The following DTNA variants were observed in gnomAD, a reference collection of about 807,000 sequenced individuals.
The protein encoded by DTNA is dystrobrevin alpha.
DTNA carries 43 observed loss-of-function variants against 100.7 expected under a neutral mutation model. The ratio of observed to expected loss-of-function variants is 0.43; its 90% CI spans 0.33 to 0.55. DTNA has a LOEUF of 0.55. Among genes scored for constraint, DTNA ranks in the 20% least tolerant of loss-of-function variants. The pLI is 0.04. For synonymous variants in DTNA, 349 were observed against 347.9 expected (o/e 1.00, Z -0.04); for missense variants, 798 against 953.9 (o/e 0.84, Z 2.15).
intron 1 of DTNA, among the ~76,000 whole-genome samples, chr18:34,744,118 T>C (rs1022036014): frequency 2.6e-5 from 4 of 152,162 alleles, no homozygotes; most frequent in Non-Finnish European, 4.4e-5. Flanking sequence ...CTAATTCTGA[T>C]TTTCCCAAGG....
At chr18:34,837,605 C>G (rs1469149692) in intron 11 of DTNA, among the ~76,000 whole-genome samples, 2 of 152,120 alleles carry the variant, frequency 1.3e-5, no homozygotes, top group Non-Finnish European at 2.9e-5. Context: ...GCTCCACAGC[C>G]AAGATCATGT....
intron 1 of DTNA, among the ~76,000 whole-genome samples, chr18:34,702,458 G>T (rs1475758154): frequency 6.6e-6 from 1 of 152,174 alleles, no homozygotes; most frequent in Non-Finnish European, 1.5e-5. Flanking sequence ...TAAGACAACT[G>T]CTAGATTGGC....
intron 1 of DTNA, among the ~76,000 whole-genome samples, chr18:34,736,106 A>C (rs1424766545): frequency 6.6e-6 from 1 of 152,200 alleles, no homozygotes; most frequent in Non-Finnish European, 1.5e-5. Flanking sequence ...AATGCCCTCC[A>C]CGTGAAGAGC....
intron 1 of DTNA, among the ~76,000 whole-genome samples, chr18:34,512,320 A>G (rs541393106): frequency 6.6e-6 from 1 of 152,150 alleles, no homozygotes; most frequent in Admixed American, 6.6e-5. Context: ...GGGGTTATTT[A>G]TAAATGTACA....
chr18:34,698,781 G>A (rs901957558), intron 1 of DTNA, among the ~76,000 whole-genome samples: 5 of 152,030 alleles, frequency 3.3e-5, no homozygotes, highest in African/African-American at 7.2e-5. Flanking sequence ...ATCTTTCCAC[G>A]TTCTTTTGCC....
At chr18:34,561,610 A>G (rs1182914279) in intron 1 of DTNA, among the ~76,000 whole-genome samples, 2 of 152,090 alleles carry the variant, frequency 1.3e-5, no homozygotes, top group African/African-American at 4.8e-5. Flanking sequence ...TATTATTTCA[A>G]TAATAGTGAA....
At chr18:34,782,173 T>C (rs2094350640) in intron 3 of DTNA, among the ~76,000 whole-genome samples, 1 of 152,186 alleles carries the variant, frequency 6.6e-6, no homozygotes, top group South Asian at 2.1e-4. Flanking sequence ...CACTTAGCAT[T>C]ATTGAGAACC....
At position 34,581,690 on chromosome 18, in the gene DTNA, G is replaced by T. The variant is rs113833211; in HGVS notation, c.-2+88176G>T. Among the ~76,000 whole-genome samples the T allele has an allele frequency of 2.5e-3, 370 of 145,454 alleles. 4 individuals carry two copies. Among genetic ancestry groups the T allele is most frequent in the African/African-American group, 9.0e-3 (343 of 38,308 alleles). On this transcript the variant is annotated intron_variant, in intron 1 of 19. Coordinates refer to the DTNA transcript ENST00000283365. Reference sequence around the variant, plus strand: ...GGCTGGCGTGCAGTGGCATGATCTCGGCTCACTGCACCCTCCACCTCCTGG... The same window carrying T: ...GGCTGGCGTGCAGTGGCATGATCTCTGCTCACTGCACCCTCCACCTCCTGG...
chr18:34,583,967 G>A (rs542721651), intron 1 of DTNA, among the ~76,000 whole-genome samples: 23 of 151,394 alleles, frequency 1.5e-4, no homozygotes, highest in African/African-American at 5.6e-4. Context: ...ATGAGGATGA[G>A]ATACGATATA....
intron 2 of DTNA, among the ~76,000 whole-genome samples, 185 bp downstream of exon 2, chr18:34,756,228 A>G (rs1046810129): frequency 2.0e-5 from 3 of 152,210 alleles, no homozygotes; most frequent in African/African-American, 7.2e-5. Flanking sequence ...TCAGTAATTC[A>G]TCCTAATTTG....
chr18:34,803,014 C>G (rs556580055), intron 4 of DTNA, among the ~76,000 whole-genome samples: 1 of 152,090 alleles, frequency 6.6e-6, no homozygotes, highest in Admixed American at 6.6e-5. Flanking sequence ...TTTAGTGCTC[C>G]CATTCTCTGT....
chr18:34,814,439 C>A (rs1469087021), intron 6 of DTNA, among the ~76,000 whole-genome samples: 1 of 151,598 alleles, frequency 6.6e-6, no homozygotes, highest in Non-Finnish European at 1.5e-5. Context: ...GTAATCCTAG[C>A]ACTGAGAGGC....
At chr18:34,746,917 C>T (rs542163927) in intron 1 of DTNA, among the ~76,000 whole-genome samples, 6 of 152,172 alleles carry the variant, frequency 3.9e-5, no homozygotes, top group South Asian at 4.1e-4. Flanking sequence ...TGAAACCAAA[C>T]GAAACCAAAT....
chr18:34,502,419 T>C (rs1300709470), intron 1 of DTNA, among the ~76,000 whole-genome samples: 1 of 152,186 alleles, frequency 6.6e-6, no homozygotes, highest in African/African-American at 2.4e-5. Context: ...GATAATAATA[T>C]CTTTTTCTAT....
chr18:34,517,779 G>A (rs1011326317), intron 1 of DTNA, among the ~76,000 whole-genome samples: 5 of 152,028 alleles, frequency 3.3e-5, no homozygotes, highest in Non-Finnish European at 7.4e-5. Context: ...TGTGTCCATA[G>A]TTCATTCCTT....
chr18:34,671,157 T>C (rs1251307130), intron 1 of DTNA, among the ~76,000 whole-genome samples: 1 of 152,074 alleles, frequency 6.6e-6, no homozygotes, highest in South Asian at 2.1e-4. Context: ...GCTGCCACCT[T>C]ATAGTTGGAT....
intron 1 of DTNA, among the ~76,000 whole-genome samples, chr18:34,535,015 G>A (rs2043543279): frequency 1.3e-5 from 2 of 152,064 alleles, no homozygotes; most frequent in South Asian, 2.1e-4. Context: ...CCCAGTAATG[G>A]GATTGTTGGG....
At chr18:34,859,085 A>G (rs2096586367) in intron 16 of DTNA, among the ~76,000 whole-genome samples, 1 of 152,164 alleles carries the variant, frequency 6.6e-6, no homozygotes, top group Admixed American at 6.5e-5. Flanking sequence ...ATCTTTCTTT[A>G]TATTCAGATC....
At chr18:34,685,456 T>C (rs1298420661) in intron 1 of DTNA, among the ~76,000 whole-genome samples, 5 of 152,168 alleles carry the variant, frequency 3.3e-5, no homozygotes, top group African/African-American at 1.2e-4. Flanking sequence ...TGTAGATGTG[T>C]GGCGTTATTT....
Sources: allele counts gnomAD v4.1 joint callset (sites outside exome capture counted in the v4.1 genomes callset), GRCh38; gene constraint gnomAD v4.1.1; transcripts MANE v1.5; gene names NCBI Gene and HGNC (gene_info 2026-07-23, HGNC 2026-07-21).